SPON1: variants seen among roughly 807,000 people sequenced by gnomAD.
SPON1 encodes spondin 1.
A neutral mutation model predicts 111.7 loss-of-function variants in SPON1; 52 were observed. The observed-to-expected ratio is 0.47, with a 90% CI of 0.37 to 0.59. SPON1 has a LOEUF of 0.59. Among genes scored for constraint, SPON1 ranks in the 20% least tolerant of loss-of-function variants. SPON1 has a pLI of 0.00. For missense variants in SPON1, 957 were observed against 1,068.5 expected (o/e 0.90, Z 1.46); for synonymous variants, 410 against 395.8 (o/e 1.04, Z -0.43).
intron 2 of SPON1, among the ~76,000 whole-genome samples, chr11:14,007,921 C>G (rs1354478785): frequency 6.6e-6 from 1 of 152,158 alleles, no homozygotes; most frequent in Non-Finnish European, 1.5e-5. Context: ...CTCTGCCACT[C>G]TCTTTTAAGG....
intron 6 of SPON1, among the ~76,000 whole-genome samples, chr11:14,155,582 G>A (rs1847836084): frequency 1.3e-5 from 2 of 151,234 alleles, no homozygotes; most frequent in Non-Finnish European, 2.9e-5. Context: ...CATGTGCCAT[G>A]CTGGTGCGCT....
intron 6 of SPON1, among the ~76,000 whole-genome samples, chr11:14,227,029 C>G (rs547757590): frequency 6.6e-6 from 1 of 152,284 alleles, no homozygotes; most frequent in Non-Finnish European, 1.5e-5. Context: ...GACAATCTCC[C>G]CATCTCAAGA....
At chr11:14,220,273 G>T (rs1410960716) in intron 6 of SPON1, among the ~76,000 whole-genome samples, 1 of 152,046 alleles carries the variant, frequency 6.6e-6, no homozygotes, top group African/African-American at 2.4e-5. Context: ...TCAAATTCAA[G>T]ATCTGGACCA....
chr11:14,255,743 A>G lies in SPON1; in HGVS notation c.1189A>G (p.Ile397Val). Residue 397 changes from isoleucine to valine, a missense_variant, in exon 9 of 16, where the codon ATC becomes GTC. Transcript: ENST00000576479. ...TTTCTATGACCCAGAGGGTGGGTCCATCACTCAAGTAGCCAGAGTTGTCAT... is the reference window on the plus strand; with the variant it reads ...TTTCTATGACCCAGAGGGTGGGTCCGTCACTCAAGTAGCCAGAGTTGTCAT... ...SPFYDPEGGS[I>V]TQVARVVIER... The G allele has an allele frequency of 1.2e-6, 2 of 1,613,908 alleles. No homozygotes were observed. The highest frequency in any genetic ancestry group is 1.6e-4 in the Middle Eastern group (1 of 6,062).
chr11:14,249,366 T>A (rs1484642214), intron 7 of SPON1, among the ~76,000 whole-genome samples: 2 of 152,142 alleles, frequency 1.3e-5, no homozygotes, highest in Non-Finnish European at 2.9e-5. Flanking sequence ...AAGATGGGCT[T>A]TGGACAGAGA....
intron 4 of SPON1, among the ~76,000 whole-genome samples, chr11:14,079,229 C>T (rs540550687): frequency 1.2e-4 from 19 of 152,190 alleles, no homozygotes; most frequent in South Asian, 4.1e-4. Context: ...AAATGAGGGC[C>T]GAGAGGGAAT....
chr11:14,126,556 G>A (rs558296606), intron 5 of SPON1, among the ~76,000 whole-genome samples: 2 of 152,210 alleles, frequency 1.3e-5, no homozygotes, highest in African/African-American at 4.8e-5. Context: ...CCCCACCTCT[G>A]GGCCTCATCT....
chr11:13,971,255 T>G (rs1848061136), intron 1 of SPON1, among the ~76,000 whole-genome samples: 1 of 152,200 alleles, frequency 6.6e-6, no homozygotes, highest in East Asian at 1.9e-4. Context: ...AGAGAGCAGT[T>G]GCATCATGGT....
chr11:14,219,040 T>G (rs544199427), intron 6 of SPON1, among the ~76,000 whole-genome samples: 3 of 152,244 alleles, frequency 2.0e-5, no homozygotes, highest in South Asian at 4.1e-4. Flanking sequence ...CTCTTTGAAT[T>G]TATTATTCCT....
At chr11:14,160,794 ATATATTTTTATATATATTTT>A (rs1554931023) in intron 6 of SPON1, among the ~76,000 whole-genome samples, 4 of 49,556 alleles carry the variant, frequency 8.1e-5, no homozygotes, top group South Asian at 1.5e-3. Context: ...ATATATATTT[ATATATTTTTATATATATTTT>A]TATATATATT....
chr11:14,064,997 GT>G (rs1554920231), intron 3 of SPON1, among the ~76,000 whole-genome samples: 1 of 152,072 alleles, frequency 6.6e-6, no homozygotes, highest in African/African-American at 2.4e-5. Context: ...TTTCCATACA[GT>G]TTTTTCAGGG....
intron 3 of SPON1, among the ~76,000 whole-genome samples, chr11:14,042,739 C>T (rs563735148): frequency 1.4e-4 from 21 of 152,230 alleles, no homozygotes; most frequent in African/African-American, 4.1e-4. Flanking sequence ...TGGTTAACTC[C>T]AGCCCACCCC....
chr11:14,204,771 G>A (rs958915766), intron 6 of SPON1, among the ~76,000 whole-genome samples: 13 of 151,894 alleles, frequency 8.6e-5, no homozygotes, highest in African/African-American at 2.9e-4. Context: ...TGCAAGCTCC[G>A]CCTCCCGGGT....
chr11:14,160,699 T>TTA (rs1213703807), intron 6 of SPON1, among the ~76,000 whole-genome samples: 19,929 of 29,186 alleles, frequency 0.68, 8,093 homozygotes, highest in African/African-American at 0.83. Context: ...ATTTATATAT[T>TTA]TATATATATT....
intron 6 of SPON1, among the ~76,000 whole-genome samples, chr11:14,173,396 A>G (rs1023806672): frequency 4.6e-5 from 7 of 151,880 alleles, no homozygotes; most frequent in Non-Finnish European, 1.0e-4. Flanking sequence ...CCATTCATCT[A>G]ATTTTTTTTC....
At chr11:14,160,483 A>T (rs868957003) in intron 6 of SPON1, among the ~76,000 whole-genome samples, 740 of 6,520 alleles carry the variant, frequency 0.11, 133 homozygotes, top group Non-Finnish European at 0.13. Flanking sequence ...ATATATATTT[A>T]TATATATATA....
chr11:14,114,605 A>G (rs1849253007), intron 5 of SPON1, among the ~76,000 whole-genome samples: 1 of 151,998 alleles, frequency 6.6e-6, no homozygotes, highest in Non-Finnish European at 1.5e-5. Context: ...GCCACCCTCC[A>G]TCCAGCCTCT....
intron 6 of SPON1, among the ~76,000 whole-genome samples, chr11:14,170,355 G>A (rs1215100680): frequency 2.0e-5 from 3 of 152,182 alleles, no homozygotes; most frequent in Non-Finnish European, 4.4e-5. Context: ...TGTATCCTGA[G>A]ACTTTGCTGA....
At position 14,197,488 on chromosome 11, in the gene SPON1, AAAATAAATAAATAAAT is replaced by A. The variant is rs10642040; in HGVS notation, c.826-45824_826-45809del. On this transcript the variant is annotated intron_variant, in intron 6 of 15. Transcript: ENST00000576479. ...TTGGAAGGAGGAAAGGTCCTCTTTA[AAAATAAATAAATAAAT>A]AAATAAATAAATAAATAAACAAGTG... Among the ~76,000 whole-genome samples, 484 of 145,044 alleles carry A rather than the reference AAAATAAATAAATAAAT, an allele frequency of 3.3e-3. 1 individual carries two copies. The highest frequency in any genetic ancestry group is 0.012 in the African/African-American group (457 of 39,274).
Sources: gnomAD v4.1 joint callset for allele counts (sites outside exome capture counted in the v4.1 genomes callset) on GRCh38, gnomAD v4.1.1 for gene constraint, MANE v1.5 for transcripts, NCBI Gene and HGNC (gene_info 2026-07-23, HGNC 2026-07-21) for gene names.